Variants in NAALADL2 observed in about 807,000 individuals in gnomAD.
NAALADL2 encodes the protein inactive N-acetylated-alpha-linked acidic dipeptidase-like protein 2.
A neutral mutation model predicts 87.2 loss-of-function variants in NAALADL2; 76 were observed. The observed-to-expected ratio is 0.87, with a 90% CI of 0.72 to 1.05. NAALADL2 has a LOEUF of 1.05. NAALADL2 is among the 50% of genes least tolerant of loss of function. NAALADL2 has a pLI of 0.00. For missense variants in NAALADL2, 1,089 were observed against 945.8 expected, an observed-to-expected ratio of 1.15 and a Z score of -1.99; for synonymous variants, 354 against 331.0, an observed-to-expected ratio of 1.07 and a Z score of -0.75.
At chr3:175,691,305 A>G (rs1428799008) in intron 11 of NAALADL2, among the ~76,000 whole-genome samples, 1 of 151,186 alleles carries the variant, frequency 6.6e-6, no homozygotes, top group Admixed American at 6.6e-5. Context: ...CTATAAAAGG[A>G]CATTTCTTAT....
At chr3:175,528,631 C>G (rs1186199630) in intron 9 of NAALADL2, among the ~76,000 whole-genome samples, 1 of 152,182 alleles carries the variant, frequency 6.6e-6, no homozygotes, top group Non-Finnish European at 1.5e-5. Context: ...CATACATAAA[C>G]TTCAAATAAA....
At chr3:175,318,495 A>G (rs1274809610) in intron 4 of NAALADL2, among the ~76,000 whole-genome samples, 1 of 152,172 alleles carries the variant, frequency 6.6e-6, no homozygotes, top group Admixed American at 6.5e-5. Flanking sequence ...TTCCTCAAAA[A>G]ACTTTTGTTA....
chr3:175,069,345 G>A (rs2109134617), intron 1 of NAALADL2, among the ~76,000 whole-genome samples: 1 of 149,878 alleles, frequency 6.7e-6, no homozygotes, highest in Admixed American at 6.6e-5. Context: ...TCAAAAAGCG[G>A]GCAAAGGACA....
intron 4 of NAALADL2, among the ~76,000 whole-genome samples, chr3:175,299,490 T>G (rs1259113957): frequency 6.6e-6 from 1 of 152,138 alleles, no homozygotes; most frequent in Non-Finnish European, 1.5e-5. Flanking sequence ...TTTGTAGTTC[T>G]CCTTGAAGAG....
intron 1 of NAALADL2, among the ~76,000 whole-genome samples, chr3:174,919,036 T>A (rs1231188554): frequency 1.3e-5 from 2 of 152,074 alleles, no homozygotes; most frequent in Non-Finnish European, 2.9e-5. Flanking sequence ...ACAATATCAT[T>A]GTGTCTAAAA....
intron 2 of NAALADL2, among the ~76,000 whole-genome samples, chr3:174,578,428 A>G (rs532582658): frequency 2.9e-4 from 44 of 152,172 alleles, no homozygotes; most frequent in Admixed American, 7.9e-4. Context: ...CTGACTTTTT[A>G]TCAGAAACAA....
intron 1 of NAALADL2, among the ~76,000 whole-genome samples, chr3:174,543,049 C>G (rs1264639907): frequency 1.3e-5 from 2 of 152,092 alleles, no homozygotes; most frequent in African/African-American, 4.8e-5. Flanking sequence ...AGGGGTGGTA[C>G]TTTAGCAGGT....
intron 2 of NAALADL2, among the ~76,000 whole-genome samples, chr3:174,611,615 G>T (rs370952715): frequency 2.6e-5 from 4 of 151,792 alleles, no homozygotes; most frequent in Non-Finnish European, 4.4e-5. Context: ...TTTTTGAGAC[G>T]GAGTCTTGCT....
intron 13 of NAALADL2, among the ~76,000 whole-genome samples, chr3:175,761,531 C>T (rs1748010871): frequency 6.6e-6 from 1 of 150,690 alleles, no homozygotes; most frequent in African/African-American, 2.5e-5. Context: ...TGTGCAATTG[C>T]TGGATAATGT....
intron 4 of NAALADL2, among the ~76,000 whole-genome samples, chr3:175,263,703 A>G (rs1450875139): frequency 6.6e-6 from 1 of 151,782 alleles, no homozygotes; most frequent in Non-Finnish European, 1.5e-5. Flanking sequence ...AAATTAAACA[A>G]AGTAAAATAG....
intron 1 of NAALADL2, among the ~76,000 whole-genome samples, chr3:174,923,830 T>C (rs1735586713): frequency 6.6e-6 from 1 of 152,126 alleles, no homozygotes; most frequent in Non-Finnish European, 1.5e-5. Flanking sequence ...TATGGCACTG[T>C]AGAGGTAGAA....
At position 174,803,909 on chromosome 3, in the gene NAALADL2, C is replaced by A. The variant is rs1323001307; in HGVS notation, c.-9+66163C>A. Among the ~76,000 whole-genome samples the A allele has an allele frequency of 2.6e-5, 4 of 152,200 alleles. No individual in the cohort carries two copies. In the East Asian group the frequency reaches 5.8e-4, roughly 22 times the overall value. On this transcript the variant is annotated intron_variant, in intron 3 of 3. Transcript: ENST00000434257. ...ATTTTGAAGTCAGGTAGCGTGATGC[C>A]TCTAGCTTTGTTCTTTTGCTTAGGA...
intron 11 of NAALADL2, among the ~76,000 whole-genome samples, chr3:175,727,799 G>A (rs531755933): frequency 3.4e-4 from 52 of 152,114 alleles, no homozygotes; most frequent in Non-Finnish European, 6.8e-4. Flanking sequence ...GGCCTCCTAA[G>A]CATTCCACCA....
intron 1 of NAALADL2, among the ~76,000 whole-genome samples, chr3:174,934,229 T>C (rs1469933697): frequency 1.3e-5 from 2 of 152,162 alleles, no homozygotes; most frequent in Non-Finnish European, 2.9e-5. Flanking sequence ...CACTTTACTG[T>C]CCAACAGAAT....
rs529142109 is a variant in NAALADL2, at chr3:175,208,867, C to T, written c.546-25064C>T. Among the ~76,000 whole-genome samples the T allele has an allele frequency of 1.1e-4, 16 of 152,232 alleles. No individual in the cohort carries two copies. The South Asian group carries it at 2.3e-3, about 22-fold the overall frequency. On this transcript the variant is annotated intron_variant, in intron 2 of 13. Transcript: ENST00000454872. ...AAATTTTTATTCCTTGAGGATTATA[C>T]GGGTCAGTCCAGGCGCAGATTGAAC... is the stretch of plus-strand genomic sequence containing the variant.
chr3:175,790,759 A>G (rs968324877), intron 13 of NAALADL2, among the ~76,000 whole-genome samples: 12 of 152,220 alleles, frequency 7.9e-5, no homozygotes, highest in Non-Finnish European at 1.5e-4. Context: ...AATTTCATCA[A>G]TTAATCTGTG....
chr3:175,674,445 T>C (rs2149856408), intron 11 of NAALADL2, among the ~76,000 whole-genome samples: 1 of 152,080 alleles, frequency 6.6e-6, no homozygotes, highest in East Asian at 1.9e-4. Context: ...TTTGCATTTT[T>C]AGTAGAGAAG....
At chr3:174,452,623 A>G (rs1479448681) in intron 1 of NAALADL2, among the ~76,000 whole-genome samples, 2 of 152,134 alleles carry the variant, frequency 1.3e-5, no homozygotes, top group Non-Finnish European at 2.9e-5. Context: ...GCCCGATACA[A>G]GTTCCCCAGA....
chr3:175,636,805 G>A (rs1037492087), intron 11 of NAALADL2, among the ~76,000 whole-genome samples: 2 of 151,820 alleles, frequency 1.3e-5, no homozygotes, highest in South Asian at 2.1e-4. Context: ...TAGCTGATAC[G>A]CAACTGATTT....
Sources: allele counts gnomAD v4.1 joint callset (sites outside exome capture counted in the v4.1 genomes callset), GRCh38; gene constraint gnomAD v4.1.1; transcripts MANE v1.5; gene names NCBI Gene and HGNC (gene_info 2026-07-23, HGNC 2026-07-21).